NRDE2: variants seen among roughly 807,000 people sequenced by gnomAD.
The protein encoded by NRDE2 is nuclear exosome regulator NRDE2.
NRDE2 carries 76 observed loss-of-function variants against 124.2 expected under a neutral mutation model. The ratio of observed to expected loss-of-function variants is 0.61; its 90% CI spans 0.51 to 0.74. NRDE2 has a LOEUF of 0.74. Ranked by LOEUF, NRDE2 falls within the 30% of genes least tolerant of loss-of-function variation. The pLI, the probability that NRDE2 is intolerant of heterozygous loss-of-function variation, is 0.00. For synonymous variants in NRDE2, 489 were observed against 528.1 expected, an observed-to-expected ratio of 0.93 and a Z score of 1.01; for missense variants, 1,314 against 1,417.3, an observed-to-expected ratio of 0.93 and a Z score of 1.17.
intron 4 of NRDE2, among the ~76,000 whole-genome samples, chr14:90,307,658 A>T (rs371888871): frequency 1.2e-4 from 19 of 152,192 alleles, no homozygotes; most frequent in African/African-American, 4.3e-4. Flanking sequence ...GGCGGATCAC[A>T]AGGTCAGGAG....
Position 90,301,361 on chromosome 14 carries a change from GAAGA to G in NRDE2, c.1419_1422del (p.Leu474SerfsTer33), listed in dbSNP as rs1323891996. On this transcript the variant is annotated frameshift_variant, in exon 7 of 14. Transcript: ENST00000354366. LOFTEE classifies it high-confidence loss of function. The stretch of plus-strand genomic sequence containing the variant: ...GCCTGCCGCAGAAAGTGGCACTGCT[GAAGA>G]AAGAGTGCTGCGAACAGGAGGGCAA... 6.2e-7 allele frequency: 1 copy of G among 1,613,870 alleles called. No individual in the cohort carries two copies. Among genetic ancestry groups the G allele is most frequent in the South Asian group, 1.1e-5 (1 of 91,060 alleles).
chr14:90,327,073 C>A (rs533390161), intron 1 of NRDE2, among the ~76,000 whole-genome samples: 8 of 152,304 alleles, frequency 5.3e-5, no homozygotes, highest in African/African-American at 1.9e-4. Context: ...GAAGTAATGA[C>A]AACACAGTGG....
intron 8 of NRDE2, among the ~76,000 whole-genome samples, chr14:90,297,730 T>C (rs1438782144): frequency 1.3e-5 from 2 of 151,822 alleles, no homozygotes; most frequent in Non-Finnish European, 1.5e-5. Flanking sequence ...GGTCAGGTGT[T>C]TGAGACCAGA....
chr14:90,316,098 A>G (rs1396956250), intron 3 of NRDE2, among the ~76,000 whole-genome samples: 1 of 152,196 alleles, frequency 6.6e-6, no homozygotes, highest in Non-Finnish European at 1.5e-5. Context: ...TGAAAAAGAA[A>G]AGGAAAAGGA....
In NRDE2 at chr14:90,286,430, G is replaced by A; in HGVS notation, c.3221C>T (p.Ala1074Val). The A allele has an allele frequency of 6.2e-7, 1 of 1,614,188 alleles. No individual in the cohort carries two copies. Among genetic ancestry groups the A allele is most frequent in the Admixed American group, 1.7e-5 (1 of 60,026 alleles). ...PETGLMHRIQALFENAMRSDS... is the reference protein window; with the variant it reads ...PETGLMHRIQVLFENAMRSDS... ...GCTGCGCATGGCATTTTCAAACAGGGCTTGGATCCGATGCATTAAGCCGGT... is the reference window on the plus strand; with the variant it reads ...GCTGCGCATGGCATTTTCAAACAGGACTTGGATCCGATGCATTAAGCCGGT... The change falls in exon 12 of 14, where the codon GCC becomes GTC. Residue 1074 changes from alanine to valine, a missense_variant. Physicochemically the swap from Ala to Val is moderately conservative, Grantham distance 64. Coordinates refer to ENST00000354366, the MANE Select transcript of NRDE2 (RefSeq NM_017970.4).
chr14:90,318,339 C>T lies in NRDE2; in HGVS notation c.65-226G>A, dbSNP rs1390945193. ...AAAATATTCTAGACCAAAATCCTTCCGTGATATCAAACTGCAGCTTAAGCA... is the reference window on the plus strand; with the variant it reads ...AAAATATTCTAGACCAAAATCCTTCTGTGATATCAAACTGCAGCTTAAGCA... On this transcript the variant is annotated intron_variant, in intron 1 of 13. Coordinates refer to ENST00000354366, the MANE Select transcript of NRDE2 (RefSeq NM_017970.4). Among the ~76,000 whole-genome samples the T allele has an allele frequency of 1.3e-5, 2 of 152,136 alleles. 1 individual carries two copies. The highest frequency in any genetic ancestry group is 1.3e-4 in the Admixed American group (2 of 15,280).
At chr14:90,320,794 T>C (rs976294402) in intron 1 of NRDE2, among the ~76,000 whole-genome samples, 1 of 152,200 alleles carries the variant, frequency 6.6e-6, no homozygotes, top group African/African-American at 2.4e-5. Context: ...TTTTCATCTT[T>C]TAATCCTCAC....
At chr14:90,324,294 G>T (rs980660636) in intron 1 of NRDE2, among the ~76,000 whole-genome samples, 3 of 152,118 alleles carry the variant, frequency 2.0e-5, no homozygotes, top group Non-Finnish European at 4.4e-5. Flanking sequence ...TACCCTAAGA[G>T]CAATGGGCAG....
chr14:90,311,923 T>C (rs1341553486), intron 4 of NRDE2, among the ~76,000 whole-genome samples: 7 of 152,230 alleles, frequency 4.6e-5, no homozygotes, highest in African/African-American at 1.7e-4. Context: ...CTAAAGCAAA[T>C]ATCATCTATT....
At chr14:90,326,693 A>G (rs1885454250) in intron 1 of NRDE2, among the ~76,000 whole-genome samples, 2 of 152,178 alleles carry the variant, frequency 1.3e-5, no homozygotes. Context: ...CGTTAGGCTA[A>G]GCATTTTACA....
Position 90,331,862 on chromosome 14 carries a change from C to G in NRDE2, c.43G>C (p.Asp15His), listed in dbSNP as rs372374824. ...TTACCTTTCCTGGAGCTCCCGCCAT[C>G]GGGAGCCTCACTAAGCCCCGCAAAG... ...PAFAGLSEAP[D>H]GGSSRKELDW... Residue 15 changes from aspartate (D) to histidine (H), a missense_variant, in exon 1 of 14, where the codon GAT becomes CAT. Transcript: ENST00000354366. 2 of 1,614,116 alleles carry G rather than the reference C, an allele frequency of 1.2e-6. No homozygotes were observed. Among genetic ancestry groups the G allele is most frequent in the Non-Finnish European group, 8.5e-7 (1 of 1,180,036 alleles).
Position 90,286,484 on chromosome 14 carries a change from C to T in NRDE2, c.3167G>A (p.Gly1056Asp). 1 of 1,611,280 alleles carries T rather than the reference C, an allele frequency of 6.2e-7. No individual in the cohort carries two copies. The highest frequency in any genetic ancestry group is 8.5e-7 in the Non-Finnish European group (1 of 1,179,346). Residue 1056 changes from glycine to aspartate, a missense_variant, in exon 12 of 14, where the codon GGT (glycine) becomes GAT (aspartate). Gly to Asp is a moderately conservative substitution (Grantham distance 94). Transcript: ENST00000354366. ...AGGAATTGTGGCGTGGATCTCTCTA[C>T]CGTCTAACCTGCAAGGCAAAGGCTC... ...RLVETVQRLD[G>D]REIHATIPET... is the part of the protein sequence containing the mutation.
At chr14:90,328,129 A>C (rs1216851032) in intron 1 of NRDE2, among the ~76,000 whole-genome samples, 1 of 132,412 alleles carries the variant, frequency 7.6e-6, no homozygotes, top group Non-Finnish European at 1.6e-5. Context: ...GGCGACAGAG[A>C]GATATTCTGT....
At position 90,270,561 on chromosome 14, in the gene NRDE2, A is replaced by G; in HGVS notation, c.*7775T>C. ...TCATTTTATGCAGTGAATGACGCTA[A>G]ATCACCTGGAGCCACAAGGCTGAGT... is the stretch of plus-strand genomic sequence containing the variant. On this transcript the variant is annotated 3_prime_UTR_variant, in exon 14 of 14. Coordinates refer to ENST00000354366, the MANE Select transcript of NRDE2 (RefSeq NM_017970.4). 1.9e-6 allele frequency: 1 copy of G among 524,046 alleles called. No individual in the cohort carries two copies. The highest frequency in any genetic ancestry group is 3.1e-6 in the Non-Finnish European group (1 of 319,098). The allele number at this position is 524,046 out of a possible 1,614,324, so 32.5% of individuals were successfully genotyped here. A position where few individuals can be genotyped will look rare whatever the true frequency, so the allele number is the denominator to read the frequency against.
chr14:90,303,391 T>G (rs1223014116), intron 5 of NRDE2, among the ~76,000 whole-genome samples: 1 of 152,230 alleles, frequency 6.6e-6, no homozygotes, highest in African/African-American at 2.4e-5. Flanking sequence ...CTTGAAAGTC[T>G]TTTCTGAAGA....
rs758831031 is a variant in NRDE2 at position 90,288,573 on chromosome 14, C to T, written c.2802G>A (p.Leu934=). The T allele has an allele frequency of 1.2e-6, 2 of 1,614,176 alleles. 1 individual carries two copies. Among genetic ancestry groups the T allele is most frequent in the South Asian group, 2.2e-5 (2 of 91,072 alleles). ...AGCCTTCTGGGAAAACAGAACTGTT[C>T]AGTTTTGCAAACACCTGTTCGTATA... ...VQIYEQVFAK[L]NSSVFPEGSG... is the part of the protein sequence containing the mutation. The change falls in exon 11 of 14, where the codon CTG becomes CTA. Residue 934 remains leucine, a synonymous_variant. Coordinates refer to ENST00000354366, the MANE Select transcript of NRDE2 (RefSeq NM_017970.4).
At chr14:90,310,793 C>T (rs908770800) in intron 4 of NRDE2, among the ~76,000 whole-genome samples, 2 of 152,196 alleles carry the variant, frequency 1.3e-5, no homozygotes, top group Non-Finnish European at 2.9e-5. Context: ...CGTGAGCCAC[C>T]ATGCCTAGCC....
Position 90,270,431 on chromosome 14 carries a change from G to T in NRDE2, c.*7905C>A. Reference sequence around the variant, plus strand: ...AAGAGTCTATATGTGCTCTTGGGATGGTGGTTGGCCTGGACAGGTGGGTGT... The same window carrying T: ...AAGAGTCTATATGTGCTCTTGGGATTGTGGTTGGCCTGGACAGGTGGGTGT... On this transcript the variant is annotated 3_prime_UTR_variant, in exon 14 of 14. Transcript: ENST00000354366. The T allele has an allele frequency of 5.4e-6, 8 of 1,488,234 alleles. No homozygotes were observed. The highest frequency in any genetic ancestry group is 7.2e-6 in the Non-Finnish European group (8 of 1,111,450). 92.2% of individuals were successfully genotyped at this position (1,488,234 alleles called of 1,614,324 possible).
intron 12 of NRDE2, 50 bp from the exon 13 acceptor site, chr14:90,279,183 C>T (rs1891886653): frequency 7.0e-7 from 1 of 1,433,814 alleles, no homozygotes; most frequent in African/African-American, 1.4e-5. Context: ...CACAGAGAGG[C>T]TAAGGCTACA....
Sources: gnomAD v4.1 joint callset for allele counts (sites outside exome capture counted in the v4.1 genomes callset) on GRCh38, gnomAD v4.1.1 for gene constraint, MANE v1.5 for transcripts, NCBI Gene and HGNC (gene_info 2026-07-23, HGNC 2026-07-21) for gene names.